Variants in CEP112 observed in about 807,000 individuals in gnomAD.
CEP112 encodes the protein centrosomal protein of 112 kDa.
Under a neutral mutation model 153.0 loss-of-function variants are expected in CEP112, and 127 were observed. That is an observed-to-expected ratio of 0.83 (90% CI 0.72 to 0.96). The LOEUF (loss-of-function observed/expected upper bound fraction) is 0.96, where lower values mean the gene tolerates loss of function less well. Ranked by LOEUF, CEP112 falls within the 40% of genes least tolerant of loss-of-function variation. The pLI is 0.00. For synonymous variants in CEP112, 358 were observed against 374.4 expected (o/e 0.96, Z 0.51); for missense variants, 1,089 against 1,101.2 (o/e 0.99, Z 0.16).
intron 4 of CEP112, among the ~76,000 whole-genome samples, chr17:66,156,243 G>A (rs546907496): frequency 2.0e-5 from 3 of 152,302 alleles, no homozygotes; most frequent in African/African-American, 7.2e-5. Flanking sequence ...CAGGCAAACA[G>A]GGTCTGAAGT....
intron 6 of CEP112, among the ~76,000 whole-genome samples, chr17:66,127,840 C>CAAT (rs1467714578): frequency 1.3e-5 from 2 of 152,200 alleles, no homozygotes; most frequent in Non-Finnish European, 2.9e-5. Context: ...ATCTGACAGT[C>CAAT]AATTAACTGA....
At chr17:66,102,751 T>C (rs961654618) in intron 6 of CEP112, among the ~76,000 whole-genome samples, 2 of 136,270 alleles carry the variant, frequency 1.5e-5, no homozygotes, top group African/African-American at 2.8e-5. Flanking sequence ...TGAGCCGAGA[T>C]AACCCACTGC....
intron 23 of CEP112, among the ~76,000 whole-genome samples, chr17:65,707,427 A>G (rs1370629563): frequency 6.6e-6 from 1 of 152,046 alleles, no homozygotes; most frequent in African/African-American, 2.4e-5. Flanking sequence ...TACATTCTAC[A>G]CGTCAGGTCT....
In CEP112 at chr17:66,068,318, A is replaced by G. The variant is rs115534564; in HGVS notation, c.856-1441T>C. On this transcript the variant is annotated intron_variant, in intron 9 of 26. Coordinates refer to ENST00000535342, the MANE Select transcript of CEP112 (RefSeq NM_001199165.4). ...GAACGGGGCACAGTAGCACATGCAT[A>G]TAGTCAGCTACTCAGGAGGCTTACA... 1.9e-3 allele frequency among the ~76,000 whole-genome samples: 288 copies of G among 152,230 alleles called. 1 individual carries two copies. The highest frequency in any genetic ancestry group is 6.8e-3 in the African/African-American group (284 of 41,550).
intron 23 of CEP112, among the ~76,000 whole-genome samples, chr17:65,715,915 G>A (rs930991090): frequency 2.0e-5 from 3 of 152,094 alleles, no homozygotes; most frequent in Admixed American, 6.5e-5. Context: ...GAACAGCAAC[G>A]ACTACTACAG....
intron 2 of CEP112, among the ~76,000 whole-genome samples, chr17:66,177,430 T>C (rs1351913186): frequency 6.6e-6 from 1 of 152,260 alleles, no homozygotes; most frequent in Non-Finnish European, 1.5e-5. Context: ...TAAATAACTT[T>C]AATTTTTAAT....
chr17:65,678,920 G>A (rs753427291), intron 24 of CEP112, among the ~76,000 whole-genome samples: 47 of 152,220 alleles, frequency 3.1e-4, no homozygotes, highest in Admixed American at 6.5e-4. Flanking sequence ...AACAGAGCAC[G>A]TTAACACCAG....
intron 17 of CEP112, among the ~76,000 whole-genome samples, chr17:65,977,992 T>C (rs1399529995): frequency 6.6e-6 from 1 of 152,178 alleles, no homozygotes; most frequent in African/African-American, 2.4e-5. Context: ...GGAGAATCAC[T>C]TGAACACGGG....
chr17:65,932,459 A>C (rs2061159627), intron 18 of CEP112, among the ~76,000 whole-genome samples: 1 of 152,246 alleles, frequency 6.6e-6, no homozygotes, highest in Non-Finnish European at 1.5e-5. Context: ...AATTCAGAAT[A>C]TTCCTTCTAA....
intron 24 of CEP112, among the ~76,000 whole-genome samples, chr17:65,662,788 C>A (rs1315664278): frequency 6.6e-6 from 1 of 152,112 alleles, no homozygotes; most frequent in African/African-American, 2.4e-5. Flanking sequence ...TGTTTATTGG[C>A]CCACATGGTA....
chr17:65,967,116 GA>G (rs1355116602), intron 17 of CEP112, among the ~76,000 whole-genome samples: 2 of 152,176 alleles, frequency 1.3e-5, no homozygotes, highest in Non-Finnish European at 2.9e-5. Context: ...AAGTTCTACA[GA>G]ACTCTATTCT....
chr17:65,648,868 T>C (rs1183541144), intron 24 of CEP112, among the ~76,000 whole-genome samples: 1 of 152,080 alleles, frequency 6.6e-6, no homozygotes, highest in Non-Finnish European at 1.5e-5. Flanking sequence ...CTAGCCAACA[T>C]GGCGAAACCC....
intron 21 of CEP112, among the ~76,000 whole-genome samples, chr17:65,849,375 T>C (rs1746524580): frequency 6.6e-6 from 1 of 152,254 alleles, no homozygotes. Flanking sequence ...TGCAGTATTT[T>C]TCTTGCAGTC....
chr17:65,642,601 CAA>C (rs1339661680), intron 24 of CEP112, among the ~76,000 whole-genome samples: 6 of 152,168 alleles, frequency 3.9e-5, no homozygotes, highest in African/African-American at 1.2e-4. Flanking sequence ...CCCACAGATG[CAA>C]AGTCTTTGCT....
chr17:65,761,058 C>T (rs2052585771), intron 21 of CEP112, among the ~76,000 whole-genome samples: 1 of 151,868 alleles, frequency 6.6e-6, no homozygotes, highest in African/African-American at 2.4e-5. Flanking sequence ...ATTTATAATC[C>T]TTACAATACT....
intron 24 of CEP112, among the ~76,000 whole-genome samples, chr17:65,642,915 T>C (rs887694394): frequency 6.6e-6 from 1 of 152,196 alleles, no homozygotes; most frequent in Non-Finnish European, 1.5e-5. Flanking sequence ...TTTAAACAAA[T>C]TTTATTCTGT....
chr17:66,037,927 A>G (rs1292399825), intron 12 of CEP112, among the ~76,000 whole-genome samples: 1 of 151,952 alleles, frequency 6.6e-6, no homozygotes, highest in East Asian at 1.9e-4. Context: ...TGATTATTAT[A>G]TATCTGAGGC....
chr17:66,002,278 T>C (rs1327848526), intron 17 of CEP112, among the ~76,000 whole-genome samples: 1 of 152,180 alleles, frequency 6.6e-6, no homozygotes, highest in Non-Finnish European at 1.5e-5. Flanking sequence ...ATACAATTAC[T>C]GTGTCAGAAT....
At chr17:65,922,207 C>G (rs987753638) in intron 19 of CEP112, among the ~76,000 whole-genome samples, 3 of 152,032 alleles carry the variant, frequency 2.0e-5, no homozygotes, top group Non-Finnish European at 4.4e-5. Flanking sequence ...TTCTACATGG[C>G]TGTTCACTTA....
Sources: gnomAD v4.1 joint callset for allele counts (sites outside exome capture counted in the v4.1 genomes callset) on GRCh38, gnomAD v4.1.1 for gene constraint, MANE v1.5 for transcripts, NCBI Gene and HGNC (gene_info 2026-07-23, HGNC 2026-07-21) for gene names.